The following ANKRD13A variants were observed in gnomAD, a reference collection of about 807,000 sequenced individuals.
The protein encoded by ANKRD13A is ankyrin repeat domain-containing protein 13A.
In ANKRD13A, 48 loss-of-function variants were observed where a neutral mutation model predicts 81.3. The ratio of observed to expected loss-of-function variants is 0.59; its 90% CI spans 0.47 to 0.75. The LOEUF (loss-of-function observed/expected upper bound fraction) is 0.75. Among genes scored for constraint, ANKRD13A ranks in the 30% least tolerant of loss-of-function variants. ANKRD13A has a pLI of 0.00. For missense variants in ANKRD13A, 612 were observed against 734.0 expected, an observed-to-expected ratio of 0.83 and a Z score of 1.92; for synonymous variants, 230 against 270.1, an observed-to-expected ratio of 0.85 and a Z score of 1.45.
chr12:110,017,240 A>G (rs987022650), intron 4 of ANKRD13A, among the ~76,000 whole-genome samples: 1 of 152,242 alleles, frequency 6.6e-6, no homozygotes, highest in Non-Finnish European at 1.5e-5. Flanking sequence ...CTAGAATTTT[A>G]ATAAGTAGAT....
Position 110,028,504 on chromosome 12 carries a change from C to T in ANKRD13A, c.946-8C>T. The T allele has an allele frequency of 6.2e-7, 1 of 1,613,806 alleles. No homozygotes were observed. Among genetic ancestry groups the T allele is most frequent in the South Asian group, 1.1e-5 (1 of 91,050 alleles). Reference sequence around the variant, plus strand: ...CATTTCTGACTCTCCTGAGTTCTGGCTCAGCAGGACCTCACCACGGAATGT... The same window carrying T: ...CATTTCTGACTCTCCTGAGTTCTGGTTCAGCAGGACCTCACCACGGAATGT... On this transcript the variant is annotated splice_polypyrimidine_tract_variant and splice_region_variant and intron_variant, in intron 9 of 14. Transcript: ENST00000261739.
intron 4 of ANKRD13A, 32 bp downstream of exon 4, chr12:110,016,465 C>G: frequency 6.4e-7 from 1 of 1,551,646 alleles, no homozygotes; most frequent in Non-Finnish European, 8.7e-7. Flanking sequence ...ATTTATTTCT[C>G]TTTCTAAATT....
intron 12 of ANKRD13A, among the ~76,000 whole-genome samples, chr12:110,031,194 A>C (rs1004880656): frequency 1.3e-5 from 2 of 152,182 alleles, no homozygotes; most frequent in Non-Finnish European, 2.9e-5. Context: ...GTGTTGGATG[A>C]AAGAAAATTT....
chr12:110,004,686 T>C (rs574147727), intron 1 of ANKRD13A, among the ~76,000 whole-genome samples: 3 of 152,340 alleles, frequency 2.0e-5, no homozygotes, highest in African/African-American at 7.2e-5. Context: ...TCTGAACTCA[T>C]ATTATTAGTT....
chr12:110,035,792 TGTATTC>T (rs2137190927), intron 13 of ANKRD13A, among the ~76,000 whole-genome samples: 1 of 152,258 alleles, frequency 6.6e-6, no homozygotes, highest in Admixed American at 6.5e-5. Context: ...GGTGTGCACC[TGTATTC>T]CCAACTAGTC....
intron 7 of ANKRD13A, among the ~76,000 whole-genome samples, chr12:110,025,466 C>T (rs1050124486): frequency 1.3e-5 from 2 of 151,900 alleles, no homozygotes; most frequent in Non-Finnish European, 2.9e-5. Context: ...TTGTTTGAGA[C>T]TATTTAGCCA....
intron 1 of ANKRD13A, among the ~76,000 whole-genome samples, chr12:110,004,791 G>A (rs1025514877): frequency 8.5e-5 from 13 of 152,348 alleles, no homozygotes; most frequent in Middle Eastern, 3.4e-3. Flanking sequence ...TAGTGTGGGC[G>A]TATGATAATA....
At position 110,027,703 on chromosome 12, in the gene ANKRD13A, A is replaced by G; in HGVS notation, c.884-2A>G. 2 of 1,614,106 alleles carry G rather than the reference A, an allele frequency of 1.2e-6. No homozygotes were observed. The highest frequency in any genetic ancestry group is 1.7e-6 in the Non-Finnish European group (2 of 1,179,982). Reference sequence around the variant, plus strand: ...GACTTTAAACTCCCTACCCCTCTGTAGCAGACAGGAACCCGCTGGAATCTT... The same window carrying G: ...GACTTTAAACTCCCTACCCCTCTGTGGCAGACAGGAACCCGCTGGAATCTT... On this transcript the variant is annotated splice_acceptor_variant, in intron 8 of 14. Transcript: ENST00000261739. LOFTEE classifies it high-confidence loss of function.
Position 110,036,171 on chromosome 12 carries a change from A to T in ANKRD13A, c.1510-90A>T. 8.2e-7 allele frequency: 1 copy of T among 1,216,578 alleles called. No homozygotes were observed. The highest frequency in any genetic ancestry group is 1.2e-6 in the Non-Finnish European group (1 of 820,576). 75.4% of individuals were successfully genotyped at this position (1,216,578 alleles called of 1,614,324 possible). ...TGATAATGGTCATGGAAAGACTTTT[A>T]ATTTGGTTCTTGCTGCCATCGTTTC... On this transcript the variant is annotated intron_variant, in intron 13 of 14. Coordinates refer to ENST00000261739, the MANE Select transcript of ANKRD13A (RefSeq NM_033121.2). This position sits in a 1 kb window ranked among gnomAD's most constrained non-coding sequence, Gnocchi z 4.6.
chr12:110,015,363 T>G (rs1890735870), intron 3 of ANKRD13A, among the ~76,000 whole-genome samples: 3 of 152,220 alleles, frequency 2.0e-5, no homozygotes, highest in Admixed American at 2.0e-4. Context: ...AAGTTGCTCG[T>G]TGAATGGATG....
intron 6 of ANKRD13A, chr12:110,021,103 C>T (rs1040038952): frequency 4.4e-6 from 2 of 456,246 alleles, no homozygotes; most frequent in Non-Finnish European, 8.8e-6. Flanking sequence ...TTTTTGTGCC[C>T]ACAGGGTTTT....
Position 110,036,113 on chromosome 12 carries a change from C to A in ANKRD13A, c.1510-148C>A, listed in dbSNP as rs1892031055. 2.8e-6 allele frequency: 2 copies of A among 719,126 alleles called. No individual in the cohort carries two copies. Among genetic ancestry groups the A allele is most frequent in the Admixed American group, 2.1e-5 (1 of 46,862 alleles). The allele number at this position is 719,126 out of a possible 1,614,324, so 44.5% of individuals were successfully genotyped here. A position where few individuals can be genotyped will look rare whatever the true frequency, so the allele number is the denominator to read the frequency against. The stretch of plus-strand genomic sequence containing the variant: ...ACTTAGGTGTTGTTTTTGAGGTAAC[C>A]CAAGTCCCTGTTAGCTTTTCACACA... On this transcript the variant is annotated intron_variant, in intron 13 of 14. Transcript: ENST00000261739. The surrounding 1 kb of genome is among the most constrained non-coding windows in gnomAD (Gnocchi z 4.6).
At chr12:110,037,259 GCA>G (rs1892119117) in intron 14 of ANKRD13A, 98 bp from the exon 15 acceptor site, 1 of 1,200,742 alleles carries the variant, frequency 8.3e-7, no homozygotes, top group African/African-American at 1.5e-5. Context: ...TAAATGCCTG[GCA>G]CAGTGTGCCC....
Position 110,018,266 on chromosome 12 carries a change from A to G in ANKRD13A, c.401-79A>G. ...TCTTGCCACTCCCCTCCTTTTATTA[A>G]ATCAGAATCCTGATTTCCTGGCCTA... is the stretch of plus-strand genomic sequence containing the variant. On this transcript the variant is annotated intron_variant, in intron 4 of 14. Transcript: ENST00000261739. This position sits in a 1 kb window ranked among gnomAD's most constrained non-coding sequence, Gnocchi z 4.4. The G allele has an allele frequency of 1.4e-6, 2 of 1,473,208 alleles. No individual in the cohort carries two copies. Among genetic ancestry groups the G allele is most frequent in the Non-Finnish European group, 1.8e-6 (2 of 1,085,828 alleles). The allele number at this position is 1,473,208 out of a possible 1,614,324, so 91.3% of individuals were successfully genotyped here.
chr12:110,014,962 G>A (rs1362354357), intron 3 of ANKRD13A, among the ~76,000 whole-genome samples: 3 of 150,278 alleles, frequency 2.0e-5, no homozygotes, highest in Non-Finnish European at 3.0e-5. Flanking sequence ...TTTTTTTTTT[G>A]TATTTTTAGT....
Position 110,036,487 on chromosome 12 carries a change from C to T in ANKRD13A, c.1577+159C>T, listed in dbSNP as rs188430414. On this transcript the variant is annotated intron_variant, in intron 14 of 14. Coordinates refer to ENST00000261739, the MANE Select transcript of ANKRD13A (RefSeq NM_033121.2). The surrounding 1 kb of genome is among the most constrained non-coding windows in gnomAD (Gnocchi z 4.6). Reference sequence around the variant, plus strand: ...AAAGTAGGCCAGGAGCGGTGGCTCACGCCTATAATCCCAGCATTTTGGGAG... The same window carrying T: ...AAAGTAGGCCAGGAGCGGTGGCTCATGCCTATAATCCCAGCATTTTGGGAG... 1.6e-4 allele frequency among the ~76,000 whole-genome samples: 24 copies of T among 152,286 alleles called. No homozygotes were observed. The East Asian group carries it at 4.6e-3, about 29-fold the overall frequency.
At chr12:110,007,197 A>G (rs1566046169) in intron 1 of ANKRD13A, among the ~76,000 whole-genome samples, 1 of 152,210 alleles carries the variant, frequency 6.6e-6, no homozygotes, top group Non-Finnish European at 1.5e-5. Context: ...GCATTTCCAC[A>G]TGAATTCTAA....
At position 110,036,707 on chromosome 12, in the gene ANKRD13A, G is replaced by A. The variant is rs1446556323; in HGVS notation, c.1577+379G>A. Reference sequence around the variant, plus strand: ...GGAGCTTGCAGTGAGCCGAGATCGCGCCACTGCACTCCAGCCTGGGCGATA... The same window carrying A: ...GGAGCTTGCAGTGAGCCGAGATCGCACCACTGCACTCCAGCCTGGGCGATA... On this transcript the variant is annotated intron_variant, in intron 14 of 14. Transcript: ENST00000261739. The surrounding 1 kb of genome is among the most constrained non-coding windows in gnomAD (Gnocchi z 4.6). Among the ~76,000 whole-genome samples the A allele has an allele frequency of 2.0e-5, 3 of 151,940 alleles. No homozygotes were observed. The highest frequency in any genetic ancestry group is 4.4e-5 in the Non-Finnish European group (3 of 67,976).
chr12:110,037,077 CT>C (rs1264641195), intron 14 of ANKRD13A, among the ~76,000 whole-genome samples: 1 of 152,196 alleles, frequency 6.6e-6, no homozygotes, highest in Non-Finnish European at 1.5e-5. Context: ...CTTAAGGTGT[CT>C]ATGAGAGCCT....
Sources: gnomAD v4.1 joint callset for allele counts (sites outside exome capture counted in the v4.1 genomes callset) on GRCh38, gnomAD v4.1.1 for gene constraint, Gnocchi (gnomAD v3.1) non-coding constraint, MANE v1.5 for transcripts, NCBI Gene and HGNC (gene_info 2026-07-23, HGNC 2026-07-21) for gene names.